Variants in CUX1 observed in about 807,000 individuals in gnomAD.
CUX1 encodes the protein cut like homeobox 1, also known as protein CASP.
A neutral mutation model predicts 158.8 loss-of-function variants in CUX1; 31 were observed. The observed-to-expected ratio is 0.20, with a 90% CI of 0.15 to 0.26. The LOEUF (loss-of-function observed/expected upper bound fraction) is 0.26. Ranked by LOEUF, CUX1 falls within the 10% of genes least tolerant of loss-of-function variation. The probability of loss-of-function intolerance (pLI) is 1.00; values close to 1 mark genes in which losing one functional copy is unlikely to be tolerated. For missense variants in CUX1, 1,589 were observed against 2,014.6 expected (o/e 0.79, Z 4.04); for synonymous variants, 879 against 862.1 (o/e 1.02, Z -0.34).
intron 23 of CUX1, among the ~76,000 whole-genome samples, chr7:102,244,046 TAAAA>T (rs782054983): frequency 2.2e-4 from 34 of 151,322 alleles, no homozygotes; most frequent in Non-Finnish European, 8.8e-5. Flanking sequence ...AAAATAAAAA[TAAAA>T]AAAGACCACT....
At chr7:102,128,409 G>T (rs111355897) in intron 8 of CUX1, among the ~76,000 whole-genome samples, 14 of 151,978 alleles carry the variant, frequency 9.2e-5, no homozygotes, top group Admixed American at 2.0e-4. Context: ...CCGGGTGCCA[G>T]GCAGGACGGA....
At chr7:101,925,392 T>C (rs1805468401) in intron 2 of CUX1, among the ~76,000 whole-genome samples, 1 of 152,162 alleles carries the variant, frequency 6.6e-6, no homozygotes, top group Non-Finnish European at 1.5e-5. Flanking sequence ...ATTACAGGCA[T>C]GAGGCACAGT....
chr7:102,210,096 G>A (rs187330302), intron 20 of CUX1, among the ~76,000 whole-genome samples: 36 of 151,554 alleles, frequency 2.4e-4, no homozygotes, highest in East Asian at 2.1e-3. Context: ...TTTTTTATTC[G>A]TTTTTGTTTT....
intron 1 of CUX1, among the ~76,000 whole-genome samples, chr7:101,902,372 C>T (rs1802248233): frequency 6.6e-6 from 1 of 152,174 alleles, no homozygotes; most frequent in Non-Finnish European, 1.5e-5. Context: ...GTCCCTAGAA[C>T]TCTCTGTGTT....
At chr7:101,897,456 G>A (rs951463988) in intron 1 of CUX1, among the ~76,000 whole-genome samples, 2 of 151,660 alleles carry the variant, frequency 1.3e-5, no homozygotes, top group African/African-American at 2.4e-5. Context: ...AGCTATGATC[G>A]TGCCACTGTA....
In CUX1 at chr7:102,234,244, A is replaced by T; in HGVS notation, c.3622+4A>T. The stretch of plus-strand genomic sequence containing the variant: ...ATGAAACGGATGGAGAAGAAAGGTA[A>T]GTCTCCCTGCCCCGCCCGGGCCGGC... On this transcript the variant is annotated splice_donor_region_variant and intron_variant, in intron 22 of 23. Coordinates refer to ENST00000292535, the MANE Select transcript of CUX1 (RefSeq NM_181552.4). 6.5e-7 allele frequency: 1 copy of T among 1,532,892 alleles called. No homozygotes were observed. The highest frequency in any genetic ancestry group is 8.8e-7 in the Non-Finnish European group (1 of 1,138,784). 95.0% of individuals were successfully genotyped at this position (1,532,892 alleles called of 1,614,324 possible). A position where few individuals can be genotyped will look rare whatever the true frequency, so the allele number is the denominator to read the frequency against.
chr7:102,015,262 C>T (rs1370767997), intron 2 of CUX1, among the ~76,000 whole-genome samples: 1 of 152,158 alleles, frequency 6.6e-6, no homozygotes, highest in African/African-American at 2.4e-5. Context: ...GAGTCTCACT[C>T]TGTCACCCAG....
rs78359248 is a variant in CUX1, at chr7:102,201,025, T to TAAAAAAAAA, written c.2063-314_2063-306dup. Among the ~76,000 whole-genome samples, 13 of 42,140 alleles carry TAAAAAAAAA rather than the reference T, an allele frequency of 3.1e-4. No individual in the cohort carries two copies. The highest frequency in any genetic ancestry group is 1.0e-3 in the African/African-American group (10 of 9,698). 27.6% of individuals were successfully genotyped at this position (42,140 alleles called of 152,430 possible). ...CTGGACAACAGCGAGATCCTGTCGC[T>TAAAAAAAAA]AAAAAAAAAAAAAAAAAAAAAAAAA... On this transcript the variant is annotated intron_variant, in intron 17 of 23. Coordinates refer to ENST00000292535, the MANE Select transcript of CUX1 (RefSeq NM_181552.4). The surrounding 1 kb of genome is among the most constrained non-coding windows in gnomAD (Gnocchi z 5.0).
chr7:102,218,460 A>T (rs1797464449), intron 20 of CUX1, among the ~76,000 whole-genome samples: 1 of 152,080 alleles, frequency 6.6e-6, no homozygotes, highest in South Asian at 2.1e-4. Flanking sequence ...GAGGCAGGAG[A>T]ATCACTTGAG....
chr7:102,132,868 A>G (rs1182407027), intron 8 of CUX1, among the ~76,000 whole-genome samples: 1 of 151,752 alleles, frequency 6.6e-6, no homozygotes, highest in Non-Finnish European at 1.5e-5. Context: ...GACAGGGTTC[A>G]CCATGTTGGC....
At chr7:102,109,653 G>A (rs1348913226) in intron 6 of CUX1, among the ~76,000 whole-genome samples, 1 of 151,876 alleles carries the variant, frequency 6.6e-6, no homozygotes, top group African/African-American at 2.4e-5. Context: ...ACTTGGTGGT[G>A]CACACCTGTA....
At chr7:101,873,178 C>CTTTTTTTT (rs35246188) in intron 1 of CUX1, among the ~76,000 whole-genome samples, 1 of 119,680 alleles carries the variant, frequency 8.4e-6, no homozygotes, top group Non-Finnish European at 1.7e-5. Context: ...GCCTCAGCTT[C>CTTTTTTTT]TTTTTTTTTT....
chr7:102,264,714 C>A (rs146122612), intron 14 of CUX1: 1 of 152,420 alleles, frequency 6.6e-6, no homozygotes, highest in Admixed American at 6.6e-5. Context: ...TGCGTTTAAC[C>A]CCCACAGCCA....
At chr7:102,092,806 G>A (rs1256989236) in intron 4 of CUX1, among the ~76,000 whole-genome samples, 1 of 151,420 alleles carries the variant, frequency 6.6e-6, no homozygotes, top group Non-Finnish European at 1.5e-5. Context: ...TCAGATACTT[G>A]GGAGGCTGAG....
intron 4 of CUX1, 143 bp from the exon 5 acceptor site, chr7:102,097,221 G>T: frequency 1.0e-6 from 1 of 958,486 alleles, no homozygotes; most frequent in South Asian, 2.0e-5. Flanking sequence ...CCAGCAAGGG[G>T]GCTGGCTGCA....
intron 2 of CUX1, among the ~76,000 whole-genome samples, chr7:101,918,329 G>A (rs548426790): frequency 3.3e-5 from 5 of 152,344 alleles, no homozygotes; most frequent in South Asian, 4.1e-4. Context: ...TAAACTTGGC[G>A]TTTTTATCTC....
intron 1 of CUX1, among the ~76,000 whole-genome samples, chr7:101,906,438 G>A (rs969031579): frequency 1.3e-5 from 2 of 151,816 alleles, no homozygotes; most frequent in African/African-American, 2.4e-5. Context: ...GGCGAGGTCC[G>A]AGGGGAAAGG....
Position 102,253,476 on chromosome 7 carries a change from A to G in CUX1, c.*4434A>G, listed in dbSNP as rs1801742811. 1.0e-6 allele frequency: 1 copy of G among 985,372 alleles called. No individual in the cohort carries two copies. Among genetic ancestry groups the G allele is most frequent in the South Asian group, 4.7e-5 (1 of 21,298 alleles). 61.0% of individuals were successfully genotyped at this position (985,372 alleles called of 1,614,324 possible). On this transcript the variant is annotated 3_prime_UTR_variant, in exon 24 of 24. Coordinates refer to ENST00000292535, the MANE Select transcript of CUX1 (RefSeq NM_181552.4). ...GCCTTCCCGACTAAGGTTGGACTGG[A>G]TGACTTTGTTCCTCCTGCATGCATG... is the stretch of plus-strand genomic sequence containing the variant.
intron 2 of CUX1, 35 bp from the exon 3 acceptor site, chr7:102,028,063 A>G (rs765166573): frequency 1.2e-6 from 2 of 1,611,018 alleles, no homozygotes; most frequent in Admixed American, 1.7e-5. Flanking sequence ...CTCCTTCTCA[A>G]ATGGCTGCTT....
Sources: allele counts gnomAD v4.1 joint callset (sites outside exome capture counted in the v4.1 genomes callset), GRCh38; gene constraint gnomAD v4.1.1; non-coding constraint Gnocchi (gnomAD v3.1); transcripts MANE v1.5; gene names NCBI Gene and HGNC (gene_info 2026-07-23, HGNC 2026-07-21).